Variants in PDE7A observed in about 807,000 individuals in gnomAD.
The protein encoded by PDE7A is high affinity 3',5'-cyclic-AMP phosphodiesterase 7A.
A neutral mutation model predicts 64.3 loss-of-function variants in PDE7A; 39 were observed. The ratio of observed to expected loss-of-function variants is 0.61; its 90% CI spans 0.47 to 0.79. The LOEUF (loss-of-function observed/expected upper bound fraction) is 0.79, where lower values mean the gene tolerates loss of function less well. Ranked by LOEUF, PDE7A falls within the 30% of genes least tolerant of loss-of-function variation. The pLI, the probability that PDE7A is intolerant of heterozygous loss-of-function variation, is 0.00. For missense variants in PDE7A, 470 were observed against 582.8 expected, an observed-to-expected ratio of 0.81 and a Z score of 1.99; for synonymous variants, 203 against 206.8, an observed-to-expected ratio of 0.98 and a Z score of 0.16.
chr8:65,736,180 A>G (rs1290729755), intron 6 of PDE7A, among the ~76,000 whole-genome samples: 2 of 152,252 alleles, frequency 1.3e-5, no homozygotes, highest in Admixed American at 6.5e-5. Context: ...CTTTGGGGCC[A>G]TTATGAAGTA....
intron 1 of PDE7A, among the ~76,000 whole-genome samples, chr8:65,783,096 G>A (rs1809461295): frequency 6.6e-6 from 1 of 152,098 alleles, no homozygotes; most frequent in East Asian, 1.9e-4. Flanking sequence ...CCTCTCTTTG[G>A]AAATTTAATC....
At chr8:65,742,645 A>G (rs945382881) in intron 5 of PDE7A, among the ~76,000 whole-genome samples, 14 of 152,244 alleles carry the variant, frequency 9.2e-5, no homozygotes, top group Admixed American at 2.0e-4. Flanking sequence ...CAGGTGAAGC[A>G]GTTTTAAAAG....
At chr8:65,812,190 G>A (rs1011472593) in intron 1 of PDE7A, among the ~76,000 whole-genome samples, 4 of 150,364 alleles carry the variant, frequency 2.7e-5, no homozygotes, top group African/African-American at 9.8e-5. Context: ...CTGGGTGACA[G>A]CGCGAGACCG....
chr8:65,827,833 C>T (rs1029719397), intron 1 of PDE7A, among the ~76,000 whole-genome samples: 4 of 152,134 alleles, frequency 2.6e-5, no homozygotes, highest in African/African-American at 9.7e-5. Context: ...GATGTTCACA[C>T]AACGACGAAA....
chr8:65,724,943 G>A (rs772092715), intron 9 of PDE7A, 22 bp from the exon 10 acceptor site: 1 of 1,534,818 alleles, frequency 6.5e-7, no homozygotes, highest in Admixed American at 1.9e-5. Flanking sequence ...GAAATATAAA[G>A]AGAAAATATA....
At chr8:65,805,494 T>C (rs986808362) in intron 1 of PDE7A, among the ~76,000 whole-genome samples, 2 of 152,236 alleles carry the variant, frequency 1.3e-5, no homozygotes, top group Non-Finnish European at 2.9e-5. Context: ...ATCTACCATG[T>C]TGACTTCTAA....
chr8:65,798,027 C>T (rs1263603662), intron 1 of PDE7A, among the ~76,000 whole-genome samples: 1 of 149,576 alleles, frequency 6.7e-6, no homozygotes, highest in Admixed American at 6.6e-5. Flanking sequence ...AAACTAAAAA[C>T]CTCTGTTCTT....
chr8:65,724,271 C>T lies in PDE7A; in HGVS notation c.1146G>A (p.Glu382=). Residue 382 remains glutamate (E), a synonymous_variant, in exon 11 of 13, where the codon GAG becomes GAA. Transcript: ENST00000401827. ...LSKQWSEKVT[E]EFFHQGDIEK... The stretch of plus-strand genomic sequence containing the variant: ...GTAACTTGCCTTGATGGAAGAATTC[C>T]TCCGTTACTTTTTCACTCCACTGCT... 1 of 1,609,932 alleles carries T rather than the reference C, an allele frequency of 6.2e-7. No individual in the cohort carries two copies. Among genetic ancestry groups the T allele is most frequent in the Non-Finnish European group, 8.5e-7 (1 of 1,176,570 alleles).
chr8:65,749,145 C>T (rs930307559), intron 3 of PDE7A, among the ~76,000 whole-genome samples: 2 of 152,178 alleles, frequency 1.3e-5, no homozygotes, highest in Non-Finnish European at 2.9e-5. Context: ...GCTCCCTGTG[C>T]ATTCATCTAT....
At chr8:65,780,433 A>C (rs773662083) in intron 2 of PDE7A, among the ~76,000 whole-genome samples, 4 of 152,206 alleles carry the variant, frequency 2.6e-5, no homozygotes, top group Non-Finnish European at 5.9e-5. Flanking sequence ...CCTTTAGCTG[A>C]GTCTTAAACT....
Position 65,727,242 on chromosome 8 carries a change from A to G in PDE7A, c.756T>C (p.His252=), listed in dbSNP as rs1242726640. ...ILLSLIAAAT[H]DLDHPGVNQP... ...GATTAACACCTGGATGATCCAGATC[A>G]TGAGTGGCAGCTGCAATTAAGCTCA... The change falls in exon 8 of 13, where the codon CAT becomes CAC. Residue 252 remains histidine, a synonymous_variant. Transcript: ENST00000401827. 6.2e-7 allele frequency: 1 copy of G among 1,613,850 alleles called. No homozygotes were observed. The highest frequency in any genetic ancestry group is 8.5e-7 in the Non-Finnish European group (1 of 1,179,870).
At chr8:65,823,628 C>G (rs769674306) in intron 1 of PDE7A, among the ~76,000 whole-genome samples, 1 of 152,062 alleles carries the variant, frequency 6.6e-6, no homozygotes, top group South Asian at 2.1e-4. Flanking sequence ...TCCACATTCT[C>G]AGGTCTAGAA....
At chr8:65,815,433 G>A (rs1305593773) in intron 1 of PDE7A, among the ~76,000 whole-genome samples, 2 of 152,058 alleles carry the variant, frequency 1.3e-5, no homozygotes, top group Non-Finnish European at 2.9e-5. Context: ...TGATTACCAA[G>A]TTGTGAAACA....
At chr8:65,793,229 G>C (rs893991397) in intron 1 of PDE7A, among the ~76,000 whole-genome samples, 4 of 152,070 alleles carry the variant, frequency 2.6e-5, no homozygotes, top group African/African-American at 9.7e-5. Context: ...AAGAATTCTA[G>C]AAGTAGCCAA....
intron 3 of PDE7A, among the ~76,000 whole-genome samples, chr8:65,764,602 G>C (rs547931831): frequency 6.6e-6 from 1 of 152,292 alleles, no homozygotes; most frequent in East Asian, 1.9e-4. Flanking sequence ...AGCACTAAAA[G>C]CTTCCAAATA....
chr8:65,825,337 T>C (rs991949444), intron 1 of PDE7A, among the ~76,000 whole-genome samples: 7 of 152,210 alleles, frequency 4.6e-5, no homozygotes. Context: ...AAACAATGAA[T>C]GTTTGCTATT....
chr8:65,750,446 CTGTA>C (rs1193034256), intron 3 of PDE7A, among the ~76,000 whole-genome samples: 2 of 150,526 alleles, frequency 1.3e-5, no homozygotes, highest in Non-Finnish European at 3.0e-5. Flanking sequence ...TAGGATCACA[CTGTA>C]TGTATATATG....
chr8:65,814,510 C>CAAA (rs140450405), intron 1 of PDE7A, among the ~76,000 whole-genome samples: 13 of 71,036 alleles, frequency 1.8e-4, no homozygotes, highest in South Asian at 7.8e-4. Context: ...GACTCCGTCT[C>CAAA]AAAAAAAAAA....
In PDE7A at chr8:65,719,320, C is replaced by A. The variant is rs749390870; in HGVS notation, c.1419G>T (p.Gln473His). The change falls in exon 13 of 13, where the codon CAG becomes CAT. Residue 473 changes from glutamine (Q) to histidine (H), a missense_variant. Transcript: ENST00000401827. ...ATAACCGATTTTCCTGAGGTAATAA[C>A]TGTGAGTTCAACTCAAATGCAGCAT... ...DTDAAFELNS[Q>H]LLPQENRLS 6.2e-7 allele frequency: 1 copy of A among 1,613,868 alleles called. No individual in the cohort carries two copies. Among genetic ancestry groups the A allele is most frequent in the African/African-American group, 1.3e-5 (1 of 74,916 alleles).
Sources: allele counts gnomAD v4.1 joint callset (sites outside exome capture counted in the v4.1 genomes callset), GRCh38; gene constraint gnomAD v4.1.1; transcripts MANE v1.5; gene names NCBI Gene and HGNC (gene_info 2026-07-23, HGNC 2026-07-21).